Variants in CACNA2D2 observed in about 807,000 individuals in gnomAD.
The protein encoded by CACNA2D2 is voltage-dependent calcium channel subunit alpha-2/delta-2.
A neutral mutation model predicts 166.4 loss-of-function variants in CACNA2D2; 48 were observed. The ratio of observed to expected loss-of-function variants is 0.29; its 90% CI spans 0.23 to 0.37. The LOEUF (loss-of-function observed/expected upper bound fraction) is 0.37. CACNA2D2 is among the 10% of genes least tolerant of loss of function. The pLI is 1.00. For missense variants in CACNA2D2, 1,122 were observed against 1,433.0 expected, an observed-to-expected ratio of 0.78 and a Z score of 3.50; for synonymous variants, 561 against 573.7, an observed-to-expected ratio of 0.98 and a Z score of 0.32.
At chr3:50,470,004 G>A (rs1288269319) in intron 2 of CACNA2D2, among the ~76,000 whole-genome samples, 1 of 152,228 alleles carries the variant, frequency 6.6e-6, no homozygotes, top group Admixed American at 6.5e-5. Flanking sequence ...CCCACCCAGA[G>A]ATGCTGCTCC....
At chr3:50,468,869 C>G (rs944747083) in intron 2 of CACNA2D2, among the ~76,000 whole-genome samples, 6 of 146,232 alleles carry the variant, frequency 4.1e-5, no homozygotes, top group Non-Finnish European at 7.4e-5. Flanking sequence ...TACTCTGTTG[C>G]CCAGGGTGGA....
At chr3:50,422,489 G>C (rs188639268) in intron 3 of CACNA2D2, among the ~76,000 whole-genome samples, 2 of 152,314 alleles carry the variant, frequency 1.3e-5, no homozygotes, top group East Asian at 3.9e-4. Flanking sequence ...ATCTCAAAGT[G>C]GAGTCAAGTG....
chr3:50,398,267 G>A (rs1372659694), intron 3 of CACNA2D2, among the ~76,000 whole-genome samples: 2 of 152,050 alleles, frequency 1.3e-5, no homozygotes, highest in African/African-American at 4.8e-5. Context: ...TCTGCTCCTG[G>A]AGGTGCCTGC....
At chr3:50,442,125 G>C (rs1283579327) in intron 2 of CACNA2D2, among the ~76,000 whole-genome samples, 1 of 152,150 alleles carries the variant, frequency 6.6e-6, no homozygotes, top group Non-Finnish European at 1.5e-5. Flanking sequence ...CTAAATTCTG[G>C]CTCCCTTGGT....
chr3:50,391,305 T>C (rs927718238), intron 4 of CACNA2D2, among the ~76,000 whole-genome samples: 5 of 152,218 alleles, frequency 3.3e-5, no homozygotes, highest in Admixed American at 6.5e-5. Flanking sequence ...GTGTTGGCAC[T>C]GAGGCCCTGG....
chr3:50,498,184 T>G (rs1443384603), intron 1 of CACNA2D2, among the ~76,000 whole-genome samples: 6 of 152,108 alleles, frequency 3.9e-5, no homozygotes, highest in Non-Finnish European at 2.9e-5. Context: ...CAGACAGAGC[T>G]CAGCCCACCT....
chr3:50,445,937 C>A (rs1039345715), intron 2 of CACNA2D2, among the ~76,000 whole-genome samples: 2 of 152,030 alleles, frequency 1.3e-5, no homozygotes, highest in Non-Finnish European at 2.9e-5. Context: ...AGGGACAATC[C>A]ATGGCACCTC....
At position 50,367,992 on chromosome 3, in the gene CACNA2D2, C is replaced by T. The variant is rs2109412537; in HGVS notation, c.2144-90G>A. On this transcript the variant is annotated intron_variant, in intron 24 of 37. Transcript: ENST00000424201. The surrounding 1 kb of genome is among the most constrained non-coding windows in gnomAD (Gnocchi z 6.5). ...CCCACCCTTAAGGCTCCACCAGGAG[C>T]CTCCTCCATGACCTGGCCCTGGCCC... The T allele has an allele frequency of 8.5e-7, 1 of 1,181,664 alleles. No individual in the cohort carries two copies. The highest frequency in any genetic ancestry group is 1.3e-6 in the Non-Finnish European group (1 of 798,720). The allele number at this position is 1,181,664 out of a possible 1,614,324, so 73.2% of individuals were successfully genotyped here.
At chr3:50,385,844 C>T (rs587756595) in intron 5 of CACNA2D2, among the ~76,000 whole-genome samples, 27 of 152,308 alleles carry the variant, frequency 1.8e-4, no homozygotes, top group Middle Eastern at 3.4e-3. Flanking sequence ...AGAAAGCCCC[C>T]GAAATGTCAG....
In CACNA2D2 at chr3:50,375,703, C is replaced by T. The variant is rs1437298472; in HGVS notation, c.1848G>A (p.Arg616=). The T allele has an allele frequency of 6.2e-7, 1 of 1,613,156 alleles. No individual in the cohort carries two copies. Among genetic ancestry groups the T allele is most frequent in the South Asian group, 1.1e-5 (1 of 91,082 alleles). The part of the protein sequence containing the change: ...IRTLVKSLDE[R]YIDEVTRNYT... Reference sequence around the variant, plus strand: ...AGTTCCGTGTCACCTCATCTATGTACCTCTGGGAGAGGAGGCTGGGTCAGG... The same window carrying T: ...AGTTCCGTGTCACCTCATCTATGTATCTCTGGGAGAGGAGGCTGGGTCAGG... Residue 616 remains arginine, a splice_region_variant and synonymous_variant, in exon 21 of 38, where the codon AGG becomes AGA. Transcript: ENST00000424201. The surrounding 1 kb of genome is among the most constrained non-coding windows in gnomAD (Gnocchi z 4.0).
Position 50,375,082 on chromosome 3 carries a change from A to C in CACNA2D2, c.1908-269T>G, listed in dbSNP as rs1448047588. 6.6e-6 allele frequency among the ~76,000 whole-genome samples: 1 copy of C among 152,116 alleles called. No homozygotes were observed. Among genetic ancestry groups the C allele is most frequent in the African/African-American group, 2.4e-5 (1 of 41,408 alleles). Reference sequence around the variant, plus strand: ...CCATCTCCCCTCCCAGCAGCCTCTCACAACAGCCCCCTGCCCAGCCAACCT... The same window carrying C: ...CCATCTCCCCTCCCAGCAGCCTCTCCCAACAGCCCCCTGCCCAGCCAACCT... On this transcript the variant is annotated intron_variant, in intron 21 of 37. Transcript: ENST00000424201. This position sits in a 1 kb window ranked among gnomAD's most constrained non-coding sequence, Gnocchi z 4.0.
At chr3:50,396,686 G>C (rs1358181142) in intron 3 of CACNA2D2, among the ~76,000 whole-genome samples, 1 of 152,150 alleles carries the variant, frequency 6.6e-6, no homozygotes, top group Non-Finnish European at 1.5e-5. Flanking sequence ...GCCGAGCTCA[G>C]TAACTTGGCC....
In CACNA2D2 at chr3:50,375,683, C is replaced by T. The variant is rs747103135; in HGVS notation, c.1868G>A (p.Arg623Gln). The T allele has an allele frequency of 5.6e-6, 9 of 1,613,132 alleles. No individual in the cohort carries two copies. Among genetic ancestry groups the T allele is most frequent in the South Asian group, 1.1e-5 (1 of 91,052 alleles). Reference sequence around the variant, plus strand: ...CCTTATAGGCACCCAGGTGTAGTTCCGTGTCACCTCATCTATGTACCTCTG... The same window carrying T: ...CCTTATAGGCACCCAGGTGTAGTTCTGTGTCACCTCATCTATGTACCTCTG... ...LDERYIDEVT[R>Q]NYTWVPIRST... is the part of the protein sequence containing the mutation. Residue 623 changes from arginine (R) to glutamine (Q), a missense_variant, in exon 21 of 38, where the codon CGG (arginine) becomes CAG (glutamine). Physicochemically the swap from Arg to Gln is conservative, Grantham distance 43. Around this residue, in one of 2 missense-constraint regions of CACNA2D2, gnomAD observed 840 missense variants for 1,166.8 expected, o/e 0.72. Coordinates refer to ENST00000424201, the MANE Select transcript of CACNA2D2 (RefSeq NM_006030.4). This position sits in a 1 kb window ranked among gnomAD's most constrained non-coding sequence, Gnocchi z 4.0.
chr3:50,388,861 T>C (rs1014853613), intron 4 of CACNA2D2, among the ~76,000 whole-genome samples: 2 of 152,176 alleles, frequency 1.3e-5, no homozygotes, highest in Non-Finnish European at 2.9e-5. Flanking sequence ...TGTGCAGGCT[T>C]AGTCCCAGCA....
rs146410523 is a variant in CACNA2D2 at position 50,376,288 on chromosome 3, TTC to T, written c.1627-102_1627-101del. ...TTTGGCCTCCCACCGCACCGAGAGA[TTC>T]TGTTTGCCTGCCTTGGGCTAAGGGC... On this transcript the variant is annotated intron_variant, in intron 17 of 37. Transcript: ENST00000424201. The surrounding 1 kb of genome is among the most constrained non-coding windows in gnomAD (Gnocchi z 4.3). 2,236 of 1,264,566 alleles carry T rather than the reference TTC, an allele frequency of 1.8e-3. 3 individuals carry two copies. Among genetic ancestry groups the T allele is most frequent in the Non-Finnish European group, 2.3e-3 (2,026 of 898,368 alleles). The allele number at this position is 1,264,566 out of a possible 1,614,324, so 78.3% of individuals were successfully genotyped here.
chr3:50,484,751 A>G (rs1457462663), intron 1 of CACNA2D2, among the ~76,000 whole-genome samples: 1 of 152,198 alleles, frequency 6.6e-6, no homozygotes, highest in African/African-American at 2.4e-5. Flanking sequence ...CTTGCTTGTT[A>G]GCCTCTGCCT....
rs957513126 is a variant in CACNA2D2 at position 50,496,386 on chromosome 3, C to T, written c.206+6832G>A. Reference sequence around the variant, plus strand: ...GCACAAGCATGCTTAGATGTGAACACGTCTGACACATGCACACATACATGA... The same window carrying T: ...GCACAAGCATGCTTAGATGTGAACATGTCTGACACATGCACACATACATGA... On this transcript the variant is annotated intron_variant, in intron 1 of 37. Coordinates refer to ENST00000424201, the MANE Select transcript of CACNA2D2 (RefSeq NM_006030.4). Among the ~76,000 whole-genome samples, 13 of 152,236 alleles carry T rather than the reference C, an allele frequency of 8.5e-5. No individual in the cohort carries two copies. In the East Asian group the frequency reaches 1.3e-3, roughly 16 times the overall value.
chr3:50,435,957 C>A (rs1708301857), intron 2 of CACNA2D2, among the ~76,000 whole-genome samples: 1 of 152,176 alleles, frequency 6.6e-6, no homozygotes, highest in Non-Finnish European at 1.5e-5. Flanking sequence ...GGCCCTGCCT[C>A]AGGACAGACG....
intron 1 of CACNA2D2, among the ~76,000 whole-genome samples, chr3:50,485,195 C>T (rs562964870): frequency 5.3e-5 from 8 of 152,320 alleles, no homozygotes; most frequent in African/African-American, 1.9e-4. Context: ...TCCCTAAACA[C>T]CAGCCACCCA....
Sources: gnomAD v4.1 joint callset for allele counts (sites outside exome capture counted in the v4.1 genomes callset) on GRCh38, gnomAD v4.1.1 for gene constraint, gnomAD v4.1.1 regional missense constraint, Gnocchi (gnomAD v3.1) non-coding constraint, MANE v1.5 for transcripts, NCBI Gene and HGNC (gene_info 2026-07-23, HGNC 2026-07-21) for gene names.